PM20D2: variants seen among roughly 807,000 people sequenced by gnomAD.
PM20D2 encodes xaa-Arg dipeptidase.
PM20D2 carries 33 observed loss-of-function variants against 42.9 expected under a neutral mutation model. That is an observed-to-expected ratio of 0.77 (90% confidence interval 0.58 to 1.03). The LOEUF (loss-of-function observed/expected upper bound fraction) is 1.03, where lower values mean the gene tolerates loss of function less well. PM20D2 is among the 50% of genes least tolerant of loss of function. The pLI, the probability that PM20D2 is intolerant of heterozygous loss-of-function variation, is 0.00. For missense variants in PM20D2, 548 were observed against 557.0 expected (o/e 0.98, Z 0.16); for synonymous variants, 250 against 228.2 (o/e 1.10, Z -0.86).
the PM20D2 span, among the ~76,000 whole-genome samples, chr6:89,119,638 C>T: frequency 6.6e-6 from 1 of 152,164 alleles, no homozygotes; most frequent in Non-Finnish European, 1.5e-5. Context: ...AGTTCAGAGG[C>T]CAGAAGTCTG....
Position 89,146,600 on chromosome 6 carries a change from G to C in PM20D2, c.456G>C (p.Pro152=), listed in dbSNP as rs1411137849. The C allele has an allele frequency of 3.5e-6, 5 of 1,444,908 alleles. No homozygotes were observed. The highest frequency in any genetic ancestry group is 4.5e-6 in the Non-Finnish European group (5 of 1,105,526). 89.5% of individuals were successfully genotyped at this position (1,444,908 alleles called of 1,614,324 possible). The change falls in exon 1 of 7, where the codon CCG becomes CCC. Residue 152 remains proline (P), a synonymous_variant. Coordinates refer to ENST00000275072, the MANE Select transcript of PM20D2 (RefSeq NM_001010853.3). The part of the protein sequence containing the change: ...GALEGLPRPP[P]PVKVVVLGTP... ...TAGAGGGCCTCCCCAGGCCGCCTCCGCCCGTGAAGGTGAGGTGGGGCCCGG... is the reference window on the plus strand; with the variant it reads ...TAGAGGGCCTCCCCAGGCCGCCTCCCCCCGTGAAGGTGAGGTGGGGCCCGG...
chr6:89,128,043 G>T, the PM20D2 span, among the ~76,000 whole-genome samples: 3 of 152,238 alleles, frequency 2.0e-5, no homozygotes, highest in African/African-American at 7.2e-5. Context: ...TGAAATCAGT[G>T]CACCTTGAAA....
At chr6:89,150,122 C>A (rs906897954) in intron 2 of PM20D2, among the ~76,000 whole-genome samples, 1 of 152,128 alleles carries the variant, frequency 6.6e-6, no homozygotes, top group Admixed American at 6.6e-5. Flanking sequence ...AGAAGTAGCT[C>A]GGTACTGAGG....
At chr6:89,112,001 C>T in the PM20D2 span, among the ~76,000 whole-genome samples, 2 of 152,148 alleles carry the variant, frequency 1.3e-5, no homozygotes, top group Non-Finnish European at 2.9e-5. Flanking sequence ...AGAAACATAA[C>T]ACAAATTTTA....
chr6:89,097,810 AC>A, the PM20D2 span: 84 of 152,352 alleles, frequency 5.5e-4, no homozygotes, highest in Admixed American at 1.8e-3. Context: ...TACAAAATGT[AC>A]CATTCTTCAA....
the PM20D2 span, among the ~76,000 whole-genome samples, chr6:89,115,181 TTGACCTCCCGGGCTCAAG>T: frequency 2.0e-4 from 31 of 152,106 alleles, no homozygotes; most frequent in African/African-American, 4.8e-4. Flanking sequence ...CACTGTAACC[TTGACCTCCCGGGCTCAAG>T]TGACCTCCCG....
intron 2 of PM20D2, 39 bp downstream of exon 2, chr6:89,149,452 A>G: frequency 1.9e-6 from 3 of 1,605,322 alleles, no homozygotes; most frequent in Non-Finnish European, 2.6e-6. Context: ...TTAGGGGAAC[A>G]CAGGCTATAG....
In PM20D2 at chr6:89,149,401, T is replaced by G. The variant is rs139094448; in HGVS notation, c.602T>G (p.Met201Arg). The change falls in exon 2 of 7, where the codon ATG becomes AGG. Residue 201 changes from methionine (M) to arginine (R), a missense_variant. Physicochemically the swap from Met to Arg is moderately conservative, Grantham distance 91. Transcript: ENST00000275072. ...GAGAATGCTGCTTATCTACCAGATA[T>G]GGCTGAACATGAGTGAGTAATCAAG... ...SQENAAYLPD[M>R]AEHDVTVKYY... The G allele has an allele frequency of 6.2e-7, 1 of 1,613,990 alleles. No individual in the cohort carries two copies. The highest frequency in any genetic ancestry group is 1.7e-5 in the Admixed American group (1 of 60,000).
chr6:89,136,736 A>G, the PM20D2 span, among the ~76,000 whole-genome samples: 2 of 151,248 alleles, frequency 1.3e-5, no homozygotes, highest in Non-Finnish European at 2.9e-5. Flanking sequence ...GAAAATTTCC[A>G]CATTTCATGC....
chr6:89,105,045 G>A, the PM20D2 span: 1 of 1,356,852 alleles, frequency 7.4e-7, no homozygotes, highest in Admixed American at 2.7e-5. Flanking sequence ...GAAACAATGA[G>A]ACCCTATCAA....
the PM20D2 span, among the ~76,000 whole-genome samples, chr6:89,140,130 T>TC: frequency 5.3e-5 from 8 of 152,022 alleles, no homozygotes; most frequent in Non-Finnish European, 7.4e-5. Flanking sequence ...TTTGTAGAGA[T>TC]GGGGGGGTGG....
At chr6:89,099,884 G>A in the PM20D2 span, among the ~76,000 whole-genome samples, 56 of 152,042 alleles carry the variant, frequency 3.7e-4, no homozygotes, top group African/African-American at 1.2e-3. Flanking sequence ...ACAACTGTTC[G>A]AAGGCACTGG....
chr6:89,144,183 A>G (rs1011692217), upstream of PM20D2, among the ~76,000 whole-genome samples: 3 of 124,706 alleles, frequency 2.4e-5, no homozygotes, highest in African/African-American at 8.9e-5. Context: ...ACCCACATAT[A>G]TACACAAGGA....
At chr6:89,131,872 C>T in the PM20D2 span, among the ~76,000 whole-genome samples, 1 of 152,194 alleles carries the variant, frequency 6.6e-6, no homozygotes, top group Admixed American at 6.5e-5. Flanking sequence ...TAGTGGGTTT[C>T]ATATTTGTTC....
the PM20D2 span, among the ~76,000 whole-genome samples, chr6:89,129,806 G>T: frequency 6.6e-6 from 1 of 151,868 alleles, no homozygotes; most frequent in Admixed American, 6.6e-5. Context: ...TGTTTACCAG[G>T]CTGGTCTCAA....
Position 89,149,563 on chromosome 6 carries a change from T to C in PM20D2, c.614+150T>C, listed in dbSNP as rs1200120453. The C allele has an allele frequency of 3.0e-6, 3 of 1,002,100 alleles. No individual in the cohort carries two copies. In the African/African-American group the frequency reaches 4.9e-5, roughly 16 times the overall value. The allele number at this position is 1,002,100 out of a possible 1,614,324, so 62.1% of individuals were successfully genotyped here. ...AGATGTCTTGATCTATGGAGTGACA[T>C]TTGGCAAGCCTCTTCTAATTGAGAT... On this transcript the variant is annotated intron_variant, in intron 2 of 6. Transcript: ENST00000275072.
At chr6:89,118,293 G>A in the PM20D2 span, among the ~76,000 whole-genome samples, 1 of 152,160 alleles carries the variant, frequency 6.6e-6, no homozygotes, top group African/African-American at 2.4e-5. Context: ...GGGGTTAGAG[G>A]ACCCAGAGGT....
intron 3 of PM20D2, among the ~76,000 whole-genome samples, chr6:89,154,346 A>G (rs1770958953): frequency 6.6e-6 from 1 of 152,166 alleles, no homozygotes; most frequent in South Asian, 2.1e-4. Flanking sequence ...TAAAATGCTC[A>G]TGGGATTCCT....
the PM20D2 span, chr6:89,105,698 T>A: frequency 4.6e-6 from 2 of 437,326 alleles, no homozygotes; most frequent in Non-Finnish European, 8.0e-6. Flanking sequence ...CTTTTTCTCA[T>A]GAAAACAAAT....
Sources: gnomAD v4.1 joint callset for allele counts (sites outside exome capture counted in the v4.1 genomes callset) on GRCh38, gnomAD v4.1.1 for gene constraint, MANE v1.5 for transcripts, NCBI Gene and HGNC (gene_info 2026-07-23, HGNC 2026-07-21) for gene names.